The following BLTP3A variants were observed in gnomAD, a reference collection of about 807,000 sequenced individuals.
The protein encoded by BLTP3A is ICBP90 binding protein 1.
the BLTP3A span, chr6:34,871,110 C>G: frequency 6.2e-7 from 1 of 1,611,186 alleles, no homozygotes; most frequent in Non-Finnish European, 8.5e-7. Context: ...CCAGCATCAC[C>G]CTAAAGGTGT....
chr6:34,839,879 G>T, the BLTP3A span, among the ~76,000 whole-genome samples: 1 of 152,258 alleles, frequency 6.6e-6, no homozygotes, highest in African/African-American at 2.4e-5. Flanking sequence ...CCTTACAGGG[G>T]TCAATAGCTT....
At chr6:34,822,083 T>G in the BLTP3A span, 1 of 1,140,334 alleles carries the variant, frequency 8.8e-7, no homozygotes, top group Admixed American at 2.0e-5. Flanking sequence ...CCCTGTGAGC[T>G]TCTCTCTGAG....
the BLTP3A span, among the ~76,000 whole-genome samples, chr6:34,841,690 A>G: frequency 6.6e-6 from 1 of 152,200 alleles, no homozygotes; most frequent in African/African-American, 2.4e-5. Flanking sequence ...AGGTGAAATG[A>G]TCGGAAACTG....
chr6:34,798,675 C>G, the BLTP3A span, among the ~76,000 whole-genome samples: 1 of 116,824 alleles, frequency 8.6e-6, no homozygotes, highest in African/African-American at 3.5e-5. Context: ...TTTTTAGATT[C>G]TGAGGTATTT....
chr6:34,855,963 G>A, the BLTP3A span: 17 of 972,206 alleles, frequency 1.7e-5, no homozygotes, highest in Non-Finnish European at 1.8e-5. Flanking sequence ...TCTACTCTCA[G>A]CCCCTCACTT....
the BLTP3A span, among the ~76,000 whole-genome samples, chr6:34,810,781 G>A: frequency 6.6e-6 from 1 of 152,088 alleles, no homozygotes; most frequent in Non-Finnish European, 1.5e-5. Context: ...TTATCATTTA[G>A]TACTGCATCT....
the BLTP3A span, among the ~76,000 whole-genome samples, chr6:34,836,651 T>C: frequency 6.6e-6 from 1 of 152,148 alleles, no homozygotes; most frequent in Non-Finnish European, 1.5e-5. Flanking sequence ...AGTGTAAACT[T>C]TTTTTTCCCC....
At chr6:34,793,666 T>C in the BLTP3A span, among the ~76,000 whole-genome samples, 1 of 152,140 alleles carries the variant, frequency 6.6e-6, no homozygotes, top group African/African-American at 2.4e-5. Context: ...TAATATATTC[T>C]TTTTCAGGTG....
chr6:34,802,016 C>T, the BLTP3A span, among the ~76,000 whole-genome samples: 3 of 152,064 alleles, frequency 2.0e-5, no homozygotes, highest in Admixed American at 6.6e-5. Flanking sequence ...GGATTACAGG[C>T]GTGAGCCACC....
At chr6:34,867,627 T>C in the BLTP3A span, 1 of 1,610,562 alleles carries the variant, frequency 6.2e-7, no homozygotes. Flanking sequence ...GTAAGGATGG[T>C]AGTCATTCCA....
the BLTP3A span, among the ~76,000 whole-genome samples, chr6:34,823,650 C>G: frequency 6.6e-6 from 1 of 150,930 alleles, no homozygotes; most frequent in African/African-American, 2.4e-5. Context: ...TCAATCAGTC[C>G]TTCTACCTCA....
At chr6:34,818,054 T>A in the BLTP3A span, among the ~76,000 whole-genome samples, 7 of 149,612 alleles carry the variant, frequency 4.7e-5, no homozygotes, top group African/African-American at 1.7e-4. Flanking sequence ...GAGACGGGGT[T>A]TCACCGTGTT....
At chr6:34,822,614 G>A in the BLTP3A span, among the ~76,000 whole-genome samples, 1 of 152,106 alleles carries the variant, frequency 6.6e-6, no homozygotes, top group African/African-American at 2.4e-5. Context: ...CCAGCACTTT[G>A]GGAGGCAGAG....
the BLTP3A span, among the ~76,000 whole-genome samples, chr6:34,806,744 C>T: frequency 6.6e-6 from 1 of 152,166 alleles, no homozygotes; most frequent in South Asian, 2.1e-4. Flanking sequence ...TCACTGCAAC[C>T]TCCTCCTCCT....
the BLTP3A span, among the ~76,000 whole-genome samples, chr6:34,828,984 A>C: frequency 1.7e-5 from 2 of 117,862 alleles, no homozygotes; most frequent in East Asian, 6.2e-4. Context: ...CTGAGATTGC[A>C]CCATTGCTCT....
At chr6:34,821,428 C>CCCCATA in the BLTP3A span, 1 of 388,528 alleles carries the variant, frequency 2.6e-6, no homozygotes, top group Non-Finnish European at 4.6e-6. Flanking sequence ...ATGGTGTGGT[C>CCCCATA]TGAGTGCATT....
At chr6:34,792,203 G>A in the BLTP3A span, 3 of 1,525,764 alleles carry the variant, frequency 2.0e-6, no homozygotes, top group South Asian at 2.5e-5. Flanking sequence ...AACTGAGGAG[G>A]CCACAGCTGC....
chr6:34,874,606 G>T, the BLTP3A span: 2 of 152,204 alleles, frequency 1.3e-5, no homozygotes, highest in Non-Finnish European at 2.9e-5. Flanking sequence ...GACAGGTGAG[G>T]TTCAACATAA....
chr6:34,819,275 C>T, the BLTP3A span, among the ~76,000 whole-genome samples: 6 of 150,914 alleles, frequency 4.0e-5, no homozygotes, highest in South Asian at 6.3e-4. Context: ...TCTAGCATTA[C>T]GTATATCTCC....
Sources: allele counts gnomAD v4.1 joint callset (sites outside exome capture counted in the v4.1 genomes callset), GRCh38; gene constraint gnomAD v4.1.1; transcripts MANE v1.5; gene names NCBI Gene and HGNC (gene_info 2026-07-23, HGNC 2026-07-21).